Variants in ABCB11 observed in about 807,000 individuals in gnomAD.
ABCB11 encodes the protein ATP binding cassette subfamily B member 11.
Under a neutral mutation model 148.0 loss-of-function variants are expected in ABCB11, and 95 were observed. The observed-to-expected ratio is 0.64, with a 90% CI of 0.54 to 0.76. The LOEUF is 0.76. Ranked by LOEUF, ABCB11 falls within the 30% of genes least tolerant of loss-of-function variation. ABCB11 has a pLI of 0.00. For missense variants in ABCB11, 1,523 were observed against 1,617.8 expected, an observed-to-expected ratio of 0.94 and a Z score of 1.01; for synonymous variants, 591 against 555.4, an observed-to-expected ratio of 1.06 and a Z score of -0.90.
At chr2:168,985,409 G>A (rs1018537261) in intron 10 of ABCB11, among the ~76,000 whole-genome samples, 8 of 152,094 alleles carry the variant, frequency 5.3e-5, no homozygotes, top group South Asian at 2.1e-4. Flanking sequence ...TCTACCCAGA[G>A]GAAAAGAAGT....
chr2:169,007,676 C>A (rs1453285764), intron 5 of ABCB11, among the ~76,000 whole-genome samples: 2 of 151,956 alleles, frequency 1.3e-5, no homozygotes, highest in Admixed American at 1.3e-4. Flanking sequence ...CTAGACATCA[C>A]CAAAATTAAA....
At chr2:168,924,368 A>T (rs1691211049) in intron 27 of ABCB11, among the ~76,000 whole-genome samples, 1 of 152,188 alleles carries the variant, frequency 6.6e-6, no homozygotes, top group South Asian at 2.1e-4. Context: ...GATAATCTAG[A>T]TTATTTTACT....
chr2:168,934,764 T>A (rs1691740304), intron 23 of ABCB11, among the ~76,000 whole-genome samples: 1 of 152,218 alleles, frequency 6.6e-6, no homozygotes, highest in African/African-American at 2.4e-5. Context: ...ACTCCTCTCA[T>A]CAAAAAGTGG....
In ABCB11 at chr2:168,944,935, T is replaced by C. The variant is rs1465995180; in HGVS notation, c.2370A>G (p.Glu790=). Reference sequence around the variant, plus strand: ...ACACACCATTGATCTGTGACCTTTGTTCCTCTTTATCAGGAATTGAAAAAG... The same window carrying C: ...ACACACCATTGATCTGTGACCTTTGCTCCTCTTTATCAGGAATTGAAAAAG... ...LGTFSIPDKE[E]QRSQINGVCL... Residue 790 remains glutamate (E), a synonymous_variant, in exon 20 of 28, where the codon GAA becomes GAG. Coordinates refer to ENST00000650372, the MANE Select transcript of ABCB11 (RefSeq NM_003742.4). 7 of 1,562,248 alleles carry C rather than the reference T, an allele frequency of 4.5e-6. No individual in the cohort carries two copies. The highest frequency in any genetic ancestry group is 1.9e-5 in the Admixed American group (1 of 52,818).
intron 5 of ABCB11, among the ~76,000 whole-genome samples, chr2:169,010,378 T>C (rs1558925367): frequency 6.6e-6 from 1 of 152,194 alleles, no homozygotes; most frequent in Non-Finnish European, 1.5e-5. Context: ...CACTCTGTAA[T>C]CCTTATCAGT....
chr2:168,925,571 G>A (rs1691272997), intron 26 of ABCB11, among the ~76,000 whole-genome samples: 1 of 152,130 alleles, frequency 6.6e-6, no homozygotes. Context: ...AGAAAATGGT[G>A]CGAGGACAAG....
chr2:169,000,764 T>C (rs1303224922), intron 5 of ABCB11, among the ~76,000 whole-genome samples: 4 of 152,160 alleles, frequency 2.6e-5, no homozygotes, highest in Admixed American at 6.6e-5. Flanking sequence ...CCAGTTTTTT[T>C]ACATTTTCAT....
intron 19 of ABCB11, among the ~76,000 whole-genome samples, chr2:168,950,146 C>CACACAT (rs1204181962): frequency 3.4e-5 from 5 of 146,484 alleles, no homozygotes; most frequent in African/African-American, 1.2e-4. Flanking sequence ...TATATACACA[C>CACACAT]ACACACACAC....
intron 10 of ABCB11, among the ~76,000 whole-genome samples, chr2:168,984,529 A>G (rs2105993002): frequency 6.6e-6 from 1 of 152,268 alleles, no homozygotes; most frequent in African/African-American, 2.4e-5. Flanking sequence ...TGTTCAGTTA[A>G]GGCTGTTATT....
downstream of ABCB11, among the ~76,000 whole-genome samples, chr2:168,919,086 A>G (rs989338934): frequency 2.6e-5 from 4 of 152,088 alleles, no homozygotes; most frequent in Non-Finnish European, 5.9e-5. Context: ...TATGAGGACC[A>G]CAAGGATCCA....
At chr2:168,993,465 AG>A (rs1376702085) in intron 8 of ABCB11, among the ~76,000 whole-genome samples, 1 of 152,146 alleles carries the variant, frequency 6.6e-6, no homozygotes, top group Non-Finnish European at 1.5e-5. Context: ...AGTAGTGCCT[AG>A]AGAAACAGTG....
Position 169,003,672 on chromosome 2 carries a change from GTT to G in ABCB11, c.390-6952_390-6951del, listed in dbSNP as rs565467256. On this transcript the variant is annotated intron_variant, in intron 5 of 27. Coordinates refer to ENST00000650372, the MANE Select transcript of ABCB11 (RefSeq NM_003742.4). ...TTACTTCTTTAAGGAATCACACACTGTTTTCCATAGTGGTTGTACTAGTTTAC... is the reference window on the plus strand; with the variant it reads ...TTACTTCTTTAAGGAATCACACACTGTTCCATAGTGGTTGTACTAGTTTAC... Among the ~76,000 whole-genome samples the G allele has an allele frequency of 8.9e-4, 135 of 152,222 alleles. 1 individual carries two copies. The highest frequency in any genetic ancestry group is 3.4e-3 in the Middle Eastern group (1 of 294).
intron 10 of ABCB11, among the ~76,000 whole-genome samples, chr2:168,985,523 A>G (rs981228174): frequency 6.6e-6 from 1 of 152,094 alleles, no homozygotes; most frequent in Non-Finnish European, 1.5e-5. Flanking sequence ...ACAAGTGGAT[A>G]AAGAAACTGT....
Position 168,970,317 on chromosome 2 carries a change from C to T in ABCB11, c.1639-102G>A, listed in dbSNP as rs187303351. ...TCTGTCATAGTTTTCTTCTCAAGCA[C>T]GAATTTTCACTGCTCCGACTTCCAC... On this transcript the variant is annotated intron_variant, in intron 14 of 27. Transcript: ENST00000650372. 9.9e-5 allele frequency: 153 copies of T among 1,544,878 alleles called. No individual in the cohort carries two copies. In the African/African-American group the frequency reaches 1.0e-3, roughly 10 times the overall value.
rs1411429927 is a variant in ABCB11, at chr2:168,995,365, T to A, written c.595A>T (p.Asn199Tyr). The change falls in exon 7 of 28, where the codon AAT becomes TAT. Residue 199 changes from asparagine (N) to tyrosine (Y), a missense_variant. Asn to Tyr is a moderately radical substitution (Grantham distance 143). Coordinates refer to ENST00000650372, the MANE Select transcript of ABCB11 (RefSeq NM_003742.4). ...WFDCNSVGEL[N>Y]TRFSDDINKI... ...GCTACTTACTCAGAGAATCTTGTAT[T>A]CAGCTCCCCCACTGAATTGCAGTCA... The A allele has an allele frequency of 6.2e-7, 1 of 1,612,186 alleles. No individual in the cohort carries two copies. Among genetic ancestry groups the A allele is most frequent in the South Asian group, 1.1e-5 (1 of 90,954 alleles).
intron 17 of ABCB11, among the ~76,000 whole-genome samples, chr2:168,965,337 T>C (rs1288083764): frequency 6.6e-6 from 1 of 151,728 alleles, no homozygotes; most frequent in African/African-American, 2.4e-5. Context: ...AGGCCCCCAT[T>C]CTCCTCTAGG....
chr2:168,997,817 T>A (rs1694761427), intron 5 of ABCB11, among the ~76,000 whole-genome samples: 1 of 152,056 alleles, frequency 6.6e-6, no homozygotes, highest in Non-Finnish European at 1.5e-5. Context: ...ATTGAGTACA[T>A]TTATGCTTGT....
intron 11 of ABCB11, among the ~76,000 whole-genome samples, chr2:168,977,353 G>A (rs940298436): frequency 2.6e-5 from 4 of 152,090 alleles, no homozygotes; most frequent in African/African-American, 7.2e-5. Context: ...TCGGGGGTCC[G>A]AGGGTATTCT....
intron 10 of ABCB11, among the ~76,000 whole-genome samples, chr2:168,981,446 G>A (rs1014406776): frequency 1.3e-5 from 2 of 151,970 alleles, no homozygotes; most frequent in Non-Finnish European, 2.9e-5. Flanking sequence ...TGCAACACAG[G>A]GATAATGATA....
Sources: gnomAD v4.1 joint callset for allele counts (sites outside exome capture counted in the v4.1 genomes callset) on GRCh38, gnomAD v4.1.1 for gene constraint, MANE v1.5 for transcripts, NCBI Gene and HGNC (gene_info 2026-07-23, HGNC 2026-07-21) for gene names.